Variants in RBFOX3 observed in about 807,000 individuals in gnomAD.
RBFOX3 encodes RNA binding fox-1 homolog 3.
Under a neutral mutation model 48.7 loss-of-function variants are expected in RBFOX3, and 17 were observed. The ratio of observed to expected loss-of-function variants is 0.35; its 90% CI spans 0.24 to 0.52. RBFOX3 has a LOEUF of 0.52. Among genes scored for constraint, RBFOX3 ranks in the 20% least tolerant of loss-of-function variants. The pLI, the probability that RBFOX3 is intolerant of heterozygous loss-of-function variation, is 0.94. For missense variants in RBFOX3, 382 were observed against 497.5 expected (o/e 0.77, Z 2.21); for synonymous variants, 212 against 209.5 (o/e 1.01, Z -0.10).
chr17:79,226,199 G>C (rs1449241360), intron 4 of RBFOX3, among the ~76,000 whole-genome samples: 1 of 152,216 alleles, frequency 6.6e-6, no homozygotes, highest in Admixed American at 6.5e-5. Flanking sequence ...GCAGCAGTGG[G>C]AGAAGTGGTC....
chr17:79,651,399 G>A, the RBFOX3 span, among the ~76,000 whole-genome samples: 1 of 152,178 alleles, frequency 6.6e-6, no homozygotes, highest in Non-Finnish European at 1.5e-5. Flanking sequence ...GACAGGGGAA[G>A]ATGCGGATCA....
At chr17:79,140,717 C>A (rs1425207779) in intron 4 of RBFOX3, among the ~76,000 whole-genome samples, 2 of 152,258 alleles carry the variant, frequency 1.3e-5, no homozygotes, top group Non-Finnish European at 2.9e-5. Flanking sequence ...GGGGAAAATG[C>A]CACCATGCTG....
In RBFOX3 at chr17:79,259,968, G is replaced by A. The variant is rs180869358; in HGVS notation, c.-73-24163C>T. ...TGAATCCAGTCAGGTGGGCTGGGCAGCCAGATGCTGAGCCCCTTCCTGGCC... is the reference window on the plus strand; with the variant it reads ...TGAATCCAGTCAGGTGGGCTGGGCAACCAGATGCTGAGCCCCTTCCTGGCC... On this transcript the variant is annotated intron_variant, in intron 3 of 14. Transcript: ENST00000693108. Among the ~76,000 whole-genome samples the A allele has an allele frequency of 4.3e-4, 65 of 152,226 alleles. 1 individual carries two copies. The highest frequency in any genetic ancestry group is 1.6e-3 in the African/African-American group (65 of 41,532).
At chr17:79,400,912 G>C (rs2062717683) in intron 2 of RBFOX3, among the ~76,000 whole-genome samples, 1 of 152,162 alleles carries the variant, frequency 6.6e-6, no homozygotes, top group African/African-American at 2.4e-5. Flanking sequence ...TTGCCACCTG[G>C]GGAGCTCCTG....
upstream of RBFOX3, among the ~76,000 whole-genome samples, chr17:79,614,527 A>G (rs1196372981): frequency 6.6e-6 from 1 of 152,250 alleles, no homozygotes; most frequent in Admixed American, 6.5e-5. Flanking sequence ...ACCTGCGGAA[A>G]GCCTTCATGA....
At chr17:79,305,218 T>C (rs1423967946) in intron 3 of RBFOX3, among the ~76,000 whole-genome samples, 1 of 151,294 alleles carries the variant, frequency 6.6e-6, no homozygotes, top group Non-Finnish European at 1.5e-5. Flanking sequence ...TTCTTGCCTG[T>C]GTGGGGGGGA....
At chr17:79,219,916 G>A (rs984287610) in intron 4 of RBFOX3, among the ~76,000 whole-genome samples, 33 of 151,742 alleles carry the variant, frequency 2.2e-4, no homozygotes, top group African/African-American at 7.8e-4. Context: ...TGGAGGCTGG[G>A]CCCAGCCCCC....
chr17:79,611,963 G>A (rs1487291263), upstream of RBFOX3, among the ~76,000 whole-genome samples: 6 of 152,132 alleles, frequency 3.9e-5, no homozygotes, highest in African/African-American at 1.4e-4. Context: ...TAGAGTAAGG[G>A]GCCTGGTGTG....
At position 79,092,224 on chromosome 17, in the gene RBFOX3, C is replaced by A. The variant is rs970167143; in HGVS notation, c.1078-1339G>T. Reference sequence around the variant, plus strand: ...GGCCAGGAAATGTGGCTCTTGCCCTCATAGGGCGCTACCGCTACTCCCAGG... The same window carrying A: ...GGCCAGGAAATGTGGCTCTTGCCCTAATAGGGCGCTACCGCTACTCCCAGG... On this transcript the variant is annotated intron_variant, in intron 14 of 14. Coordinates refer to ENST00000693108, the MANE Select transcript of RBFOX3 (RefSeq NM_001350451.2). 3.1e-5 allele frequency: 31 copies of A among 985,394 alleles called. No individual in the cohort carries two copies. In the African/African-American group the frequency reaches 4.7e-4, roughly 15 times the overall value. 61.0% of individuals were successfully genotyped at this position (985,394 alleles called of 1,614,324 possible). A position where few individuals can be genotyped will look rare whatever the true frequency, so the allele number is the denominator to read the frequency against.
At chr17:79,206,840 G>A (rs1350814591) in intron 4 of RBFOX3, among the ~76,000 whole-genome samples, 2 of 152,174 alleles carry the variant, frequency 1.3e-5, no homozygotes, top group Non-Finnish European at 2.9e-5. Flanking sequence ...ACTCCTCAGA[G>A]AAGTCCTAAC....
chr17:79,116,859 A>T, intron 4 of RBFOX3, among the ~76,000 whole-genome samples: 1 of 152,248 alleles, frequency 6.6e-6, no homozygotes, highest in Non-Finnish European at 1.5e-5. Flanking sequence ...AGTGGTTGTC[A>T]AAGTGGCCTG....
Position 79,377,462 on chromosome 17 carries a change from C to T in RBFOX3, c.-174-69638G>A, listed in dbSNP as rs140873567. On this transcript the variant is annotated intron_variant, in intron 2 of 14. Transcript: ENST00000693108. ...AAACACATGCACGTGGGCATGCGCACGCACACACACACACCATGCTCAGCG... is the reference window on the plus strand; with the variant it reads ...AAACACATGCACGTGGGCATGCGCATGCACACACACACACCATGCTCAGCG... 2.9e-3 allele frequency among the ~76,000 whole-genome samples: 447 copies of T among 152,288 alleles called. 1 individual carries two copies. Among genetic ancestry groups the T allele is most frequent in the African/African-American group, 0.01 (416 of 41,548 alleles).
intron 4 of RBFOX3, among the ~76,000 whole-genome samples, chr17:79,177,699 C>A (rs925439234): frequency 8.5e-5 from 13 of 152,220 alleles, no homozygotes; most frequent in African/African-American, 3.1e-4. Flanking sequence ...GCTTCCTAGA[C>A]CCTCCATGGG....
intron 2 of RBFOX3, among the ~76,000 whole-genome samples, chr17:79,397,682 A>G (rs1368283896): frequency 6.6e-6 from 1 of 152,116 alleles, no homozygotes; most frequent in Non-Finnish European, 1.5e-5. Flanking sequence ...TTCCTTTACG[A>G]CATGGTCCAA....
intron 1 of RBFOX3, among the ~76,000 whole-genome samples, chr17:79,517,537 C>T (rs920234143): frequency 2.5e-5 from 2 of 81,264 alleles, no homozygotes; most frequent in African/African-American, 1.0e-4. Flanking sequence ...ACTTTGGAAG[C>T]GGGAGTGGGG....
At position 79,477,330 on chromosome 17, in the gene RBFOX3, G is replaced by T. The variant is rs878958657; in HGVS notation, c.-175+5124C>A. 7.5e-4 allele frequency among the ~76,000 whole-genome samples: 113 copies of T among 151,270 alleles called. 1 individual carries two copies. Among genetic ancestry groups the T allele is most frequent in the African/African-American group, 2.6e-3 (109 of 41,318 alleles). On this transcript the variant is annotated intron_variant, in intron 2 of 14. Coordinates refer to ENST00000693108, the MANE Select transcript of RBFOX3 (RefSeq NM_001350451.2). The surrounding 1 kb of genome is among the most constrained non-coding windows in gnomAD (Gnocchi z 4.8). ...CCAGCACTTTGGGAGGCCAAGGCAG[G>T]TGGATCACGAGGTCAGGAGATCGAG...
At chr17:79,114,455 G>A (rs2033204968) in intron 5 of RBFOX3, among the ~76,000 whole-genome samples, 1 of 152,238 alleles carries the variant, frequency 6.6e-6, no homozygotes, top group South Asian at 2.1e-4. Context: ...CAGCCCAGGA[G>A]GTGGCTGGGT....
At chr17:79,620,647 A>G in the RBFOX3 span, among the ~76,000 whole-genome samples, 1 of 28,308 alleles carries the variant, frequency 3.5e-5, no homozygotes, top group Admixed American at 5.1e-4. Context: ...ACGCACACAC[A>G]CGGACATGCA....
intron 1 of RBFOX3, among the ~76,000 whole-genome samples, chr17:79,569,738 A>G (rs1184172115): frequency 6.6e-6 from 1 of 152,246 alleles, no homozygotes; most frequent in Admixed American, 6.5e-5. Context: ...GTCAACATCT[A>G]AGAGTGTTTG....
Sources: gnomAD v4.1 joint callset for allele counts (sites outside exome capture counted in the v4.1 genomes callset) on GRCh38, gnomAD v4.1.1 for gene constraint, Gnocchi (gnomAD v3.1) non-coding constraint, MANE v1.5 for transcripts, NCBI Gene and HGNC (gene_info 2026-07-23, HGNC 2026-07-21) for gene names.